Variants in RMDN2 observed in about 807,000 individuals in gnomAD.
RMDN2 encodes regulator of microtubule dynamics protein 2.
RMDN2 carries 61 observed loss-of-function variants against 52.8 expected under a neutral mutation model. The ratio of observed to expected loss-of-function variants is 1.16; its 90% confidence interval spans 0.94 to 1.43. The LOEUF is 1.43. RMDN2 is among the 40% of genes most tolerant of loss of function. RMDN2 has a pLI of 0.00. For synonymous variants in RMDN2, 180 were observed against 153.1 expected (o/e 1.18, Z -1.30); for missense variants, 592 against 475.3 (o/e 1.25, Z -2.28).
At chr2:38,053,005 C>CA (rs1420066418) in intron 10 of RMDN2, among the ~76,000 whole-genome samples, 4 of 152,110 alleles carry the variant, frequency 2.6e-5, no homozygotes, top group Admixed American at 1.3e-4. Context: ...TCAAGGCTGC[C>CA]AAATGTCAAG....
rs77911457 is a variant in RMDN2, at chr2:37,971,772, T to G, written c.453-2268T>G. On this transcript the variant is annotated intron_variant, in intron 2 of 10. Transcript: ENST00000354545. ...TATAGCTTCATAGTAGGTCCTAAAATCTGGTGGGGTAAGTCTTCTCTCCTT... is the reference window on the plus strand; with the variant it reads ...TATAGCTTCATAGTAGGTCCTAAAAGCTGGTGGGGTAAGTCTTCTCTCCTT... 9.2e-4 allele frequency among the ~76,000 whole-genome samples: 140 copies of G among 152,270 alleles called. 2 individuals carry two copies. The East Asian group carries it at 0.023, about 25-fold the overall frequency.
intron 10 of RMDN2, among the ~76,000 whole-genome samples, chr2:38,005,041 T>A (rs372265503): frequency 5.5e-4 from 84 of 152,204 alleles, no homozygotes; most frequent in South Asian, 1.9e-3. Flanking sequence ...TCATTTTTTA[T>A]GGCTGCATAG....
intron 10 of RMDN2, chr2:38,033,223 G>A (rs1017997374): frequency 6.6e-6 from 1 of 152,148 alleles, no homozygotes; most frequent in Non-Finnish European, 1.5e-5. Context: ...ATAGCCAAAA[G>A]CACCTTTGTT....
intron 7 of RMDN2, among the ~76,000 whole-genome samples, chr2:37,995,095 A>G (rs1000764983): frequency 5.9e-5 from 9 of 152,170 alleles, no homozygotes; most frequent in African/African-American, 2.2e-4. Context: ...CATTTGTCAA[A>G]ACTCGCTGAA....
At chr2:38,016,589 C>T (rs1678819827) in intron 10 of RMDN2, among the ~76,000 whole-genome samples, 2 of 152,240 alleles carry the variant, frequency 1.3e-5, no homozygotes, top group South Asian at 4.1e-4. Flanking sequence ...AGACAATGCA[C>T]ATGGAGAGAA....
downstream of RMDN2, among the ~76,000 whole-genome samples, chr2:38,019,692 G>C (rs1040259002): frequency 6.6e-5 from 10 of 152,080 alleles, no homozygotes; most frequent in African/African-American, 2.4e-4. Flanking sequence ...AATTATGTTC[G>C]GGAGGCTGAG....
chr2:38,047,688 T>C (rs570985672), intron 10 of RMDN2, among the ~76,000 whole-genome samples: 1 of 152,176 alleles, frequency 6.6e-6, no homozygotes, highest in African/African-American at 2.4e-5. Context: ...TTCTTTTCTA[T>C]GTAAATGGAA....
chr2:38,046,572 C>T (rs549087828), intron 10 of RMDN2, among the ~76,000 whole-genome samples: 1 of 152,092 alleles, frequency 6.6e-6, no homozygotes, highest in African/African-American at 2.4e-5. Context: ...ATGCTAAGCA[C>T]ATCATAGTCA....
chr2:37,989,985 T>TAC (rs1674544938), intron 6 of RMDN2, among the ~76,000 whole-genome samples: 1 of 151,428 alleles, frequency 6.6e-6, no homozygotes, highest in Non-Finnish European at 1.5e-5. Flanking sequence ...CTACTAAAAA[T>TAC]ACACACACAC....
chr2:37,961,765 G>A (rs1476198293), intron 2 of RMDN2, among the ~76,000 whole-genome samples: 3 of 152,090 alleles, frequency 2.0e-5, no homozygotes, highest in Admixed American at 1.3e-4. Context: ...TGGAGGAGAA[G>A]AGGCATTCTG....
At chr2:37,981,165 AT>A in intron 4 of RMDN2, 117 bp from the exon 5 acceptor site, 1 of 729,290 alleles carries the variant, frequency 1.4e-6, no homozygotes, top group Non-Finnish European at 2.5e-6. Context: ...CAAAGTTGCC[AT>A]GTGATGCTGA....
intron 5 of RMDN2, among the ~76,000 whole-genome samples, chr2:37,981,705 T>G (rs1673340351): frequency 6.6e-6 from 1 of 152,218 alleles, no homozygotes. Context: ...CAACCATTTC[T>G]TATGCATTGA....
At chr2:37,930,395 G>A (rs888327241) in intron 2 of RMDN2, among the ~76,000 whole-genome samples, 5 of 151,996 alleles carry the variant, frequency 3.3e-5, no homozygotes, top group East Asian at 1.9e-4. Context: ...CAGCTCACCC[G>A]AGGGCCAATG....
At chr2:38,039,047 T>TACACACACACACACAC (rs71414270) in intron 10 of RMDN2, among the ~76,000 whole-genome samples, 2 of 127,292 alleles carry the variant, frequency 1.6e-5, no homozygotes, top group South Asian at 2.5e-4. Flanking sequence ...CCAGATGCTA[T>TACACACACACACACAC]ACACACACAC....
At chr2:37,953,793 A>G (rs1359742881) in intron 2 of RMDN2, among the ~76,000 whole-genome samples, 1 of 152,004 alleles carries the variant, frequency 6.6e-6, no homozygotes, top group Non-Finnish European at 1.5e-5. Flanking sequence ...TGGCTGCACC[A>G]TTTTACATTT....
intron 10 of RMDN2, chr2:38,028,181 G>C (rs779617121): frequency 6.6e-6 from 1 of 152,120 alleles, no homozygotes; most frequent in Non-Finnish European, 1.5e-5. Context: ...ACAATTTGGA[G>C]AATCTTTAAG....
chr2:38,024,000 A>G (rs554908643), intron 10 of RMDN2, among the ~76,000 whole-genome samples: 2 of 152,104 alleles, frequency 1.3e-5, no homozygotes, highest in Non-Finnish European at 2.9e-5. Flanking sequence ...GTCATTATAC[A>G]TTACATTTTC....
At chr2:37,947,934 C>G (rs985819371) in intron 2 of RMDN2, among the ~76,000 whole-genome samples, 2 of 152,184 alleles carry the variant, frequency 1.3e-5, no homozygotes, top group Non-Finnish European at 2.9e-5. Context: ...AGAGACTTGT[C>G]ATCTAGGTAC....
In RMDN2 at chr2:38,017,219, A is replaced by G; in HGVS notation, c.1213A>G (p.Met405Val). The G allele has an allele frequency of 1.3e-6, 2 of 1,534,656 alleles. No individual in the cohort carries two copies. Among genetic ancestry groups the G allele is most frequent in the South Asian group, 1.2e-5 (1 of 81,008 alleles). Residue 405 changes from methionine to valine, a missense_variant, in exon 11 of 11, where the codon ATG (methionine) becomes GTG (valine). Transcript: ENST00000354545. Reference protein sequence around the residue: ...KEAQKEMQKIMTSLKR With the variant: ...KEAQKEMQKIVTSLKR ...GGCACAGAAAGAGATGCAAAAAATA[A>G]TGACTTCCTTGAAGAGGTAAATAAA...
Sources: allele counts gnomAD v4.1 joint callset (sites outside exome capture counted in the v4.1 genomes callset), GRCh38; gene constraint gnomAD v4.1.1; transcripts MANE v1.5; gene names NCBI Gene and HGNC (gene_info 2026-07-23, HGNC 2026-07-21).